RIN3: variants seen among roughly 807,000 people sequenced by gnomAD.
RIN3 encodes Ras and Rab interactor 3.
RIN3 carries 54 observed loss-of-function variants against 76.3 expected under a neutral mutation model. That is an observed-to-expected ratio of 0.71 (90% CI 0.57 to 0.89). The LOEUF (loss-of-function observed/expected upper bound fraction) is 0.89. Among genes scored for constraint, RIN3 ranks in the 40% least tolerant of loss-of-function variants. RIN3 has a pLI of 0.00. For missense variants in RIN3, 1,256 were observed against 1,322.1 expected, an observed-to-expected ratio of 0.95 and a Z score of 0.78; for synonymous variants, 576 against 564.0, an observed-to-expected ratio of 1.02 and a Z score of -0.30.
chr14:92,631,181 C>G (rs1886565546), intron 4 of RIN3, among the ~76,000 whole-genome samples: 1 of 152,200 alleles, frequency 6.6e-6, no homozygotes, highest in Admixed American at 6.5e-5. Context: ...TACCCAGGCC[C>G]CTTCCCCTTC....
At chr14:92,572,794 G>A (rs1898099639) in intron 2 of RIN3, among the ~76,000 whole-genome samples, 1 of 151,984 alleles carries the variant, frequency 6.6e-6, no homozygotes, top group African/African-American at 2.4e-5. Context: ...AGGTCCAAGG[G>A]AGATAGGCAG....
chr14:92,578,968 C>A (rs1206545303), intron 3 of RIN3, among the ~76,000 whole-genome samples: 1 of 151,392 alleles, frequency 6.6e-6, no homozygotes, highest in Admixed American at 6.6e-5. Flanking sequence ...GCTCTTGTTG[C>A]CCAGGTTGGA....
chr14:92,683,558 A>C (rs1888740570), intron 8 of RIN3, among the ~76,000 whole-genome samples: 1 of 152,138 alleles, frequency 6.6e-6, no homozygotes, highest in African/African-American at 2.4e-5. Flanking sequence ...TTACTTTAGG[A>C]AACATTGTGT....
rs1434567830 is a variant in RIN3, at chr14:92,555,757, T to G, written c.51T>G (p.Val17=). 2.5e-6 allele frequency: 4 copies of G among 1,614,002 alleles called. No individual in the cohort carries two copies. In the Admixed American group the frequency reaches 6.7e-5, roughly 27 times the overall value. The change falls in exon 2 of 10, where the codon GTT becomes GTG. Residue 17 remains valine, a synonymous_variant. Coordinates refer to ENST00000216487, the MANE Select transcript of RIN3 (RefSeq NM_024832.5). ...ATTGAATTCTGTTTTTCAGTCCGGT[T>G]CCAGTTGTTGGCAAAGGAGAGGAAG... ...APARGDPTGP[V]PVVGKGEEEE...
At chr14:92,631,938 A>C (rs1886599548) in intron 4 of RIN3, among the ~76,000 whole-genome samples, 1 of 152,154 alleles carries the variant, frequency 6.6e-6, no homozygotes, top group South Asian at 2.1e-4. Flanking sequence ...GAATGATACC[A>C]GTTGCTTACC....
intron 7 of RIN3, among the ~76,000 whole-genome samples, chr14:92,660,469 G>T (rs982734946): frequency 6.6e-5 from 10 of 152,172 alleles, no homozygotes; most frequent in Non-Finnish European, 1.5e-4. Flanking sequence ...TTGCTCACGT[G>T]CTGAGTGGTT....
chr14:92,515,818 A>G (rs1347129719), intron 1 of RIN3, among the ~76,000 whole-genome samples: 2 of 152,212 alleles, frequency 1.3e-5, no homozygotes, highest in African/African-American at 4.8e-5. Context: ...GGTACATTCT[A>G]GCACTGTATG....
chr14:92,602,733 A>G (rs983759850), intron 3 of RIN3, among the ~76,000 whole-genome samples: 17 of 152,154 alleles, frequency 1.1e-4, no homozygotes, highest in African/African-American at 3.6e-4. Context: ...GAAGGAGGCA[A>G]ACAATGACAG....
chr14:92,518,015 C>T (rs758762780), intron 1 of RIN3, among the ~76,000 whole-genome samples: 1 of 152,238 alleles, frequency 6.6e-6, no homozygotes, highest in African/African-American at 2.4e-5. Flanking sequence ...ATCTTCTGTC[C>T]TCTCCAACGT....
chr14:92,532,717 T>A (rs1175187441), intron 1 of RIN3, among the ~76,000 whole-genome samples: 1 of 152,122 alleles, frequency 6.6e-6, no homozygotes, highest in Non-Finnish European at 1.5e-5. Context: ...GTGGAATGTA[T>A]GGGCTGCCAC....
chr14:92,679,924 A>G (rs564356632), intron 8 of RIN3, among the ~76,000 whole-genome samples: 1 of 152,354 alleles, frequency 6.6e-6, no homozygotes, highest in South Asian at 2.1e-4. Flanking sequence ...AAGTGAAGAC[A>G]TCAAGTTAGA....
At chr14:92,639,980 C>G (rs1886937676) in intron 4 of RIN3, among the ~76,000 whole-genome samples, 1 of 147,926 alleles carries the variant, frequency 6.8e-6, no homozygotes, top group African/African-American at 2.5e-5. Flanking sequence ...TCGTCGGGGG[C>G]TGCCTGACTG....
chr14:92,584,155 G>A (rs911358896), intron 3 of RIN3, among the ~76,000 whole-genome samples: 2 of 152,130 alleles, frequency 1.3e-5, no homozygotes, highest in Non-Finnish European at 2.9e-5. Context: ...GGTTTCTGAG[G>A]GGGTGGGGGG....
In RIN3 at chr14:92,678,956, G is replaced by A. The variant is rs1341602434; in HGVS notation, c.2467+2350G>A. On this transcript the variant is annotated intron_variant, in intron 8 of 9. Transcript: ENST00000216487. Reference sequence around the variant, plus strand: ...CAGGAAAAGGGCAGGGACATCCTTGGGCCAGCAGCCCTCTCCTATGGACTT... The same window carrying A: ...CAGGAAAAGGGCAGGGACATCCTTGAGCCAGCAGCCCTCTCCTATGGACTT... Among the ~76,000 whole-genome samples the A allele has an allele frequency of 3.3e-5, 5 of 152,098 alleles. No homozygotes were observed. In the East Asian group the frequency reaches 9.6e-4, roughly 29 times the overall value.
At chr14:92,530,505 T>G (rs752932980) in intron 1 of RIN3, among the ~76,000 whole-genome samples, 3 of 152,184 alleles carry the variant, frequency 2.0e-5, no homozygotes, top group Non-Finnish European at 2.9e-5. Context: ...GAGTTTTTGT[T>G]GTTTTGTTTT....
At chr14:92,566,601 G>A (rs1316072852) in intron 2 of RIN3, among the ~76,000 whole-genome samples, 1 of 152,150 alleles carries the variant, frequency 6.6e-6, no homozygotes, top group Non-Finnish European at 1.5e-5. Flanking sequence ...AGCAAGGAGG[G>A]GGAGAGGGGA....
chr14:92,540,252 G>A (rs1158190179), intron 1 of RIN3, among the ~76,000 whole-genome samples: 1 of 152,188 alleles, frequency 6.6e-6, no homozygotes, highest in Non-Finnish European at 1.5e-5. Flanking sequence ...TCCCCTGCTA[G>A]AGGCTGTGGG....
chr14:92,650,424 C>T (rs542399201), intron 5 of RIN3, among the ~76,000 whole-genome samples: 6 of 152,294 alleles, frequency 3.9e-5, no homozygotes, highest in African/African-American at 1.2e-4. Context: ...TGGGCTCACG[C>T]GCAGCAAGAA....
rs759963039 is a variant in RIN3, at chr14:92,659,193, G to A, written c.2059G>A (p.Val687Ile). The change falls in exon 7 of 10, where the codon GTC becomes ATC. Residue 687 changes from valine to isoleucine, a missense_variant. Physicochemically the swap from Val to Ile is conservative, Grantham distance 29 (BLOSUM62 3). Coordinates refer to ENST00000216487, the MANE Select transcript of RIN3 (RefSeq NM_024832.5). Reference protein sequence around the residue: ...AIVESALYKCVLKPLKEAINS... With the variant: ...AIVESALYKCILKPLKEAINS... The stretch of plus-strand genomic sequence containing the variant: ...TGTAGAGTCTGCCTTGTACAAATGT[G>A]TCCTGAAGCCCCTGAAGGAAGCCAT... 1 of 1,614,176 alleles carries A rather than the reference G, an allele frequency of 6.2e-7. No homozygotes were observed.
Sources: gnomAD v4.1 joint callset for allele counts (sites outside exome capture counted in the v4.1 genomes callset) on GRCh38, gnomAD v4.1.1 for gene constraint, MANE v1.5 for transcripts, NCBI Gene and HGNC (gene_info 2026-07-23, HGNC 2026-07-21) for gene names.